The following PTPRO variants were observed in gnomAD, a reference collection of about 807,000 sequenced individuals.
The protein encoded by PTPRO is receptor-type tyrosine-protein phosphatase O.
Under a neutral mutation model 145.2 loss-of-function variants are expected in PTPRO, and 62 were observed. The observed-to-expected ratio is 0.43, with a 90% confidence interval of 0.35 to 0.53. The LOEUF (loss-of-function observed/expected upper bound fraction) is 0.53, where lower values mean the gene tolerates loss of function less well. PTPRO is among the 20% of genes least tolerant of loss of function. PTPRO has a pLI of 0.01. For missense variants in PTPRO, 1,345 were observed against 1,482.7 expected, an observed-to-expected ratio of 0.91 and a Z score of 1.53; for synonymous variants, 565 against 514.7, an observed-to-expected ratio of 1.10 and a Z score of -1.32.
intron 10 of PTPRO, among the ~76,000 whole-genome samples, chr12:15,522,465 C>T (rs553080762): frequency 1.3e-5 from 2 of 150,820 alleles, no homozygotes; most frequent in Admixed American, 1.3e-4. Context: ...TTATAACAAA[C>T]ATTCATAACT....
intron 12 of PTPRO, among the ~76,000 whole-genome samples, chr12:15,540,354 G>A (rs928314485): frequency 6.6e-6 from 1 of 152,216 alleles, no homozygotes; most frequent in Non-Finnish European, 1.5e-5. Flanking sequence ...TGCATATGAA[G>A]AGCATTCTAA....
intron 2 of PTPRO, among the ~76,000 whole-genome samples, chr12:15,485,132 T>A (rs897883810): frequency 3.3e-5 from 5 of 152,074 alleles, no homozygotes; most frequent in African/African-American, 1.2e-4. Flanking sequence ...TATTATCTGT[T>A]GGGATAAAAG....
At chr12:15,409,064 T>C (rs1053609348) in intron 1 of PTPRO, among the ~76,000 whole-genome samples, 4 of 151,998 alleles carry the variant, frequency 2.6e-5, no homozygotes, top group Non-Finnish European at 5.9e-5. Context: ...TATTATCCTA[T>C]AATTATTATG....
chr12:15,596,238 A>G lies in PTPRO; in HGVS notation c.*165A>G, dbSNP rs1410515471. 6.6e-6 allele frequency: 1 copy of G among 152,618 alleles called. No homozygotes were observed. Among genetic ancestry groups the G allele is most frequent in the Non-Finnish European group, 1.5e-5 (1 of 68,038 alleles). The allele number at this position is 152,618 out of a possible 1,614,324, so 9.5% of individuals were successfully genotyped here. A position where few individuals can be genotyped will look rare whatever the true frequency, so the allele number is the denominator to read the frequency against. On this transcript the variant is annotated 3_prime_UTR_variant, in exon 27 of 27. Coordinates refer to ENST00000281171, the MANE Select transcript of PTPRO (RefSeq NM_030667.3). ...AGAAGCACCGGGAAGACTTAGCCTT[A>G]AAGAGCCTACAGTGTCCTTTTGGAC...
chr12:15,381,031 C>T lies in PTPRO; in HGVS notation c.75+58230C>T, dbSNP rs573988484. On this transcript the variant is annotated intron_variant, in intron 1 of 26. Transcript: ENST00000281171. The stretch of plus-strand genomic sequence containing the variant: ...AATAAAGTTCTTACAATATAATAAC[C>T]TAGTACATCATAGGCTGATACCATA... Among the ~76,000 whole-genome samples, 489 of 152,186 alleles carry T rather than the reference C, an allele frequency of 3.2e-3. 2 individuals are homozygous for T. The highest frequency in any genetic ancestry group is 5.8e-3 in the Non-Finnish European group (395 of 67,990).
chr12:15,422,677 A>G (rs1326897765), intron 1 of PTPRO, among the ~76,000 whole-genome samples: 1 of 152,210 alleles, frequency 6.6e-6, no homozygotes, highest in African/African-American at 2.4e-5. Context: ...ACGTGAGCCC[A>G]GGTTTTCAGG....
In PTPRO at chr12:15,484,128, C is replaced by T; in HGVS notation, c.230C>T (p.Thr77Ile). ...TTCGAATTTGAGGAATTCAACAGCACTTTGCCTCCTCCTGTTATTTTCAAG... is the reference window on the plus strand; with the variant it reads ...TTCGAATTTGAGGAATTCAACAGCATTTTGCCTCCTCCTGTTATTTTCAAG... ...YFFEFEEFNS[T>I]LPPPVIFKAS... The change falls in exon 2 of 27, where the codon ACT becomes ATT. Residue 77 changes from threonine (T) to isoleucine (I), a missense_variant. Around this residue, in one of 3 missense-constraint regions of PTPRO, gnomAD observed 1,130 missense variants for 1,214.7 expected, o/e 0.93. Coordinates refer to ENST00000281171, the MANE Select transcript of PTPRO (RefSeq NM_030667.3). 1 of 1,613,822 alleles carries T rather than the reference C, an allele frequency of 6.2e-7. No individual in the cohort carries two copies. Among genetic ancestry groups the T allele is most frequent in the South Asian group, 1.1e-5 (1 of 91,066 alleles).
intron 1 of PTPRO, among the ~76,000 whole-genome samples, chr12:15,374,126 T>C (rs538338471): frequency 1.1e-4 from 16 of 152,262 alleles, no homozygotes; most frequent in African/African-American, 3.8e-4. Context: ...ATTACCTAGT[T>C]TTAGAATGGC....
At chr12:15,497,144 T>C in intron 2 of PTPRO, 101 bp from the exon 3 acceptor site, 1 of 1,115,174 alleles carries the variant, frequency 9.0e-7, no homozygotes, top group Non-Finnish European at 1.3e-6. Context: ...AAATTATGCG[T>C]GAATTTCTGG....
At chr12:15,492,719 G>A (rs1422467753) in intron 2 of PTPRO, among the ~76,000 whole-genome samples, 1 of 151,956 alleles carries the variant, frequency 6.6e-6, no homozygotes, top group Admixed American at 6.6e-5. Context: ...CAGTAGATAG[G>A]ACAAATTCTA....
intron 1 of PTPRO, chr12:15,440,185 C>T: frequency 1.5e-6 from 1 of 682,108 alleles, no homozygotes; most frequent in Admixed American, 2.2e-5. Context: ...GTATCAATGA[C>T]TGCTACACCT....
At chr12:15,509,359 T>C (rs936775796) in intron 7 of PTPRO, among the ~76,000 whole-genome samples, 1 of 140,100 alleles carries the variant, frequency 7.1e-6, no homozygotes, top group Non-Finnish European at 1.5e-5. Context: ...ACTGTAAAAG[T>C]AACGCATTCT....
intron 1 of PTPRO, among the ~76,000 whole-genome samples, chr12:15,448,109 G>A (rs1021359145): frequency 2.0e-5 from 3 of 151,890 alleles, no homozygotes; most frequent in Non-Finnish European, 4.4e-5. Context: ...GAACTACTCT[G>A]AAACACATGC....
intron 12 of PTPRO, among the ~76,000 whole-genome samples, chr12:15,533,575 A>C (rs1943005839): frequency 6.6e-6 from 1 of 152,156 alleles, no homozygotes. Flanking sequence ...GTTAATATTT[A>C]ATCGGAACAA....
intron 24 of PTPRO, among the ~76,000 whole-genome samples, chr12:15,587,646 C>G (rs1944458163): frequency 6.6e-6 from 1 of 152,236 alleles, no homozygotes; most frequent in African/African-American, 2.4e-5. Flanking sequence ...AAGGTCCACA[C>G]TAATTCCCAA....
At chr12:15,401,142 A>T (rs1009275391) in intron 1 of PTPRO, among the ~76,000 whole-genome samples, 2 of 152,202 alleles carry the variant, frequency 1.3e-5, no homozygotes, top group African/African-American at 4.8e-5. Context: ...TACAGACATT[A>T]TCTCAAATAT....
chr12:15,490,218 C>A (rs553757687), intron 2 of PTPRO, among the ~76,000 whole-genome samples: 1 of 152,338 alleles, frequency 6.6e-6, no homozygotes, highest in South Asian at 2.1e-4. Flanking sequence ...GTAGTTCAAT[C>A]ATATGTATAG....
At chr12:15,379,406 C>T (rs1301683954) in intron 1 of PTPRO, among the ~76,000 whole-genome samples, 1 of 150,864 alleles carries the variant, frequency 6.6e-6, no homozygotes, top group Non-Finnish European at 1.5e-5. Flanking sequence ...GGGCGCACAC[C>T]TGTAATTCCA....
At chr12:15,505,564 T>C (rs1025219491) in intron 6 of PTPRO, among the ~76,000 whole-genome samples, 2 of 152,182 alleles carry the variant, frequency 1.3e-5, no homozygotes, top group African/African-American at 4.8e-5. Context: ...GTTTTGTTTT[T>C]TCTCTGTTGC....
Sources: gnomAD v4.1 joint callset for allele counts (sites outside exome capture counted in the v4.1 genomes callset) on GRCh38, gnomAD v4.1.1 for gene constraint, gnomAD v4.1.1 regional missense constraint, MANE v1.5 for transcripts, NCBI Gene and HGNC (gene_info 2026-07-23, HGNC 2026-07-21) for gene names.